DNAH7: variants seen among roughly 807,000 people sequenced by gnomAD.
DNAH7 encodes axonemal beta dynein heavy chain 7.
A neutral mutation model predicts 444.6 loss-of-function variants in DNAH7; 397 were observed. The ratio of observed to expected loss-of-function variants is 0.89; its 90% CI spans 0.82 to 0.97. The LOEUF (loss-of-function observed/expected upper bound fraction) is 0.97, where lower values mean the gene tolerates loss of function less well. DNAH7 is among the 50% of genes least tolerant of loss of function. The probability of loss-of-function intolerance (pLI) is 0.00; values close to 1 mark genes in which losing one functional copy is unlikely to be tolerated. For synonymous variants in DNAH7, 1,636 were observed against 1,624.4 expected, an observed-to-expected ratio of 1.01 and a Z score of -0.17; for missense variants, 4,902 against 4,800.8, an observed-to-expected ratio of 1.02 and a Z score of -0.62.
chr2:195,938,718 CT>C (rs908610810), intron 19 of DNAH7, among the ~76,000 whole-genome samples: 1 of 152,056 alleles, frequency 6.6e-6, no homozygotes, highest in African/African-American at 2.4e-5. Context: ...TTCAGGTAAA[CT>C]TTTTTTATTA....
At chr2:196,001,462 G>A (rs1024165729) in intron 11 of DNAH7, among the ~76,000 whole-genome samples, 5 of 151,806 alleles carry the variant, frequency 3.3e-5, no homozygotes, top group Middle Eastern at 3.2e-3. Context: ...ACTCCTGGAC[G>A]CAAGTGCTCC....
At chr2:195,892,757 G>A (rs1288354029) in intron 30 of DNAH7, 1 of 151,592 alleles carries the variant, frequency 6.6e-6, no homozygotes, top group Non-Finnish European at 1.5e-5. Context: ...CCCCATTATA[G>A]TACCATACAG....
Position 195,858,519 on chromosome 2 carries a change from T to G in DNAH7, c.8022A>C (p.Pro2674=), listed in dbSNP as rs201334510. The G allele has an allele frequency of 1.4e-5, 22 of 1,613,286 alleles. No individual in the cohort carries two copies. The highest frequency in any genetic ancestry group is 1.8e-5 in the Non-Finnish European group (21 of 1,179,682). The part of the protein sequence containing the change: ...ECDADLAGAL[P]ILESALAALD... ...GGGCGGCCAGTGCTGACTCTAATAT[T>G]GGCAAGGCACCTGCCAGGTCAGCAT... The change falls in exon 43 of 65, where the codon CCA becomes CCC. Residue 2674 remains proline (P), a synonymous_variant. Transcript: ENST00000312428.
At chr2:195,744,072 C>T (rs541688688) in intron 63 of DNAH7, among the ~76,000 whole-genome samples, 6 of 152,322 alleles carry the variant, frequency 3.9e-5, no homozygotes, top group South Asian at 4.1e-4. Flanking sequence ...TTGCCTCACT[C>T]GGGAAGCGCA....
Position 196,019,265 on chromosome 2 carries a change from T to C in DNAH7, c.774A>G (p.Lys258=). The C allele has an allele frequency of 6.6e-7, 1 of 1,506,336 alleles. No homozygotes were observed. Among genetic ancestry groups the C allele is most frequent in the Admixed American group, 1.8e-5 (1 of 56,134 alleles). 93.3% of individuals were successfully genotyped at this position (1,506,336 alleles called of 1,614,324 possible). ...TATAACTGCTTGCAGCTAAAAAAGA[T>C]TTCCTCCAAGGTTTTGGCAGAATTT... ...EMEILPKPWR[K]SFLAASSYIR... Residue 258 remains lysine, a synonymous_variant, in exon 9 of 65, where the codon AAA becomes AAG. Transcript: ENST00000312428.
chr2:196,027,744 T>C (rs1695780111), intron 6 of DNAH7, among the ~76,000 whole-genome samples: 1 of 152,032 alleles, frequency 6.6e-6, no homozygotes, highest in Non-Finnish European at 1.5e-5. Context: ...GGAGAGCAGG[T>C]AGATTTGAAA....
At chr2:196,001,945 C>A in intron 10 of DNAH7, 87 bp from the exon 11 acceptor site, 1 of 1,083,474 alleles carries the variant, frequency 9.2e-7, no homozygotes, top group South Asian at 1.9e-5. Context: ...TTCTGGACAT[C>A]TAAAGGTCTT....
intron 24 of DNAH7, among the ~76,000 whole-genome samples, chr2:195,919,204 C>T (rs1406163549): frequency 4.8e-5 from 7 of 146,780 alleles, no homozygotes; most frequent in Non-Finnish European, 8.9e-5. Context: ...GAGCTGAGAT[C>T]ACGCAGCCTG....
At chr2:195,806,690 C>A (rs983525305) in intron 54 of DNAH7, 50 bp downstream of exon 54, 1 of 1,502,216 alleles carries the variant, frequency 6.7e-7, no homozygotes, top group Non-Finnish European at 9.2e-7. Context: ...ATGGACTGAG[C>A]AGGCATAAGG....
At chr2:195,999,151 G>A in intron 12 of DNAH7, 1 of 717,428 alleles carries the variant, frequency 1.4e-6, no homozygotes, top group Non-Finnish European at 2.6e-6. Flanking sequence ...CTTAAAATGA[G>A]AGTTCTGAGG....
chr2:195,759,809 G>A (rs985683347), intron 61 of DNAH7, among the ~76,000 whole-genome samples: 25 of 152,118 alleles, frequency 1.6e-4, no homozygotes, highest in Middle Eastern at 6.8e-3. Flanking sequence ...CCAAGATTGT[G>A]CCGCTGCACT....
chr2:195,883,435 G>A (rs1427992721), intron 35 of DNAH7, among the ~76,000 whole-genome samples: 5 of 149,436 alleles, frequency 3.3e-5, no homozygotes. Flanking sequence ...ACAACACAGC[G>A]AGACTCAGTC....
intron 61 of DNAH7, among the ~76,000 whole-genome samples, chr2:195,760,750 T>C (rs1421651026): frequency 1.3e-5 from 2 of 152,106 alleles, no homozygotes; most frequent in Non-Finnish European, 2.9e-5. Flanking sequence ...CAGATACAGC[T>C]GCAGTGACCA....
chr2:195,894,723 A>T, intron 30 of DNAH7: 1 of 255,842 alleles, frequency 3.9e-6, no homozygotes, highest in Non-Finnish European at 7.3e-6. Flanking sequence ...ACTTTTTTCT[A>T]CAAGAGACAT....
At chr2:195,995,259 T>C in intron 12 of DNAH7, 1 of 436,076 alleles carries the variant, frequency 2.3e-6, no homozygotes, top group Non-Finnish European at 4.5e-6. Context: ...GGAGATGCTT[T>C]GAATGTTGGT....
intron 61 of DNAH7, among the ~76,000 whole-genome samples, chr2:195,765,831 A>G (rs1199908523): frequency 5.9e-5 from 9 of 152,166 alleles, no homozygotes; most frequent in Admixed American, 5.9e-4. Flanking sequence ...ATTCCTTAAA[A>G]AACTAAAACG....
chr2:195,748,223 C>A (rs1261353692), intron 63 of DNAH7, among the ~76,000 whole-genome samples: 2 of 152,134 alleles, frequency 1.3e-5, no homozygotes, highest in Non-Finnish European at 2.9e-5. Context: ...CATGAGTGAA[C>A]TCCCATTCAC....
At chr2:195,913,187 G>A (rs1004489053) in intron 24 of DNAH7, among the ~76,000 whole-genome samples, 2 of 151,880 alleles carry the variant, frequency 1.3e-5, no homozygotes, top group Non-Finnish European at 2.9e-5. Flanking sequence ...CTAATTTTCT[G>A]GAAAGAAATT....
At chr2:195,803,927 T>G (rs568719615) in intron 54 of DNAH7, among the ~76,000 whole-genome samples, 4 of 152,232 alleles carry the variant, frequency 2.6e-5, no homozygotes, top group African/African-American at 9.6e-5. Flanking sequence ...TAAAGGAAAG[T>G]GCAAGCCCAT....
Sources: allele counts gnomAD v4.1 joint callset (sites outside exome capture counted in the v4.1 genomes callset), GRCh38; gene constraint gnomAD v4.1.1; transcripts MANE v1.5; gene names NCBI Gene and HGNC (gene_info 2026-07-23, HGNC 2026-07-21).